The following CTIF variants were observed in gnomAD, a reference collection of about 807,000 sequenced individuals.
CTIF encodes cap binding complex dependent translation initiation factor.
In CTIF, 21 loss-of-function variants were observed where a neutral mutation model predicts 66.0. That is an observed-to-expected ratio of 0.32 (90% CI 0.23 to 0.46). CTIF has a LOEUF of 0.46. Ranked by LOEUF, CTIF falls within the 20% of genes least tolerant of loss-of-function variation. The probability of loss-of-function intolerance (pLI) is 1.00; values close to 1 mark genes in which losing one functional copy is unlikely to be tolerated. For synonymous variants in CTIF, 345 were observed against 326.4 expected (o/e 1.06, Z -0.62); for missense variants, 739 against 812.7 (o/e 0.91, Z 1.10).
rs374703379 is a variant in CTIF at position 48,612,418 on chromosome 18, G to A, written c.-28-7120G>A. Among the ~76,000 whole-genome samples the A allele has an allele frequency of 5.3e-5, 8 of 152,340 alleles. No homozygotes were observed. In the East Asian group the frequency reaches 7.7e-4, roughly 15 times the overall value. On this transcript the variant is annotated intron_variant, in intron 1 of 11. Transcript: ENST00000256413. ...ATTCTAGCCCCAATTGTGCATTCTGGGTGAAGGTGTTGCTCCCACTCTGTG... is the reference window on the plus strand; with the variant it reads ...ATTCTAGCCCCAATTGTGCATTCTGAGTGAAGGTGTTGCTCCCACTCTGTG...
rs2069458234 is a variant in CTIF at position 48,861,129 on chromosome 18, A to C, written c.*1570A>C. On this transcript the variant is annotated 3_prime_UTR_variant, in exon 12 of 12. Transcript: ENST00000256413. ...CGGGGAAGGTTCTCGTGATTGATTG[A>C]TTCTGAGTCTGAGAGTGGCGAGTGG... 1 of 152,330 alleles carries C rather than the reference A, an allele frequency of 6.6e-6. No homozygotes were observed. The highest frequency in any genetic ancestry group is 1.5e-5 in the Non-Finnish European group (1 of 68,184). The allele number at this position is 152,330 out of a possible 1,614,324, so 9.4% of individuals were successfully genotyped here.
rs764635190 is a variant in CTIF at position 48,664,461 on chromosome 18, A to T, written c.341A>T (p.Asp114Val). ...TCGCCCTCTAGTGGTGCCACCTGGG[A>T]CCTGCAGCCGGAAAAGCTGGACTTC... is the stretch of plus-strand genomic sequence containing the variant. Reference protein sequence around the residue: ...TFDSFSGATWDLQPEKLDFTQ... With the variant: ...TFDSFSGATWVLQPEKLDFTQ... Residue 114 changes from aspartate to valine, a missense_variant, in exon 5 of 12, where the codon GAC becomes GTC. By Grantham distance (152) the Asp-to-Val change is radical. This residue lies in a region of CTIF where 529 missense variants were observed against 520.3 expected (regional missense o/e 1.02). Coordinates refer to ENST00000256413, the MANE Select transcript of CTIF (RefSeq NM_014772.3). 1.2e-6 allele frequency: 2 copies of T among 1,613,516 alleles called. No homozygotes were observed. Among genetic ancestry groups the T allele is most frequent in the Non-Finnish European group, 1.7e-6 (2 of 1,179,884 alleles).
rs184619274 is a variant in CTIF at position 48,711,608 on chromosome 18, C to A, written c.508-11C>A. 6.2e-7 allele frequency: 1 copy of A among 1,613,088 alleles called. No individual in the cohort carries two copies. On this transcript the variant is annotated splice_polypyrimidine_tract_variant and intron_variant, in intron 6 of 11. Transcript: ENST00000256413. Reference sequence around the variant, plus strand: ...TTACTAATGATCCCCCTTCCTCCCCCCATGACACAGGGCTACCACCCGATG... The same window carrying A: ...TTACTAATGATCCCCCTTCCTCCCCACATGACACAGGGCTACCACCCGATG...
intron 6 of CTIF, among the ~76,000 whole-genome samples, chr18:48,686,460 C>T (rs2091841314): frequency 6.6e-6 from 1 of 152,054 alleles, no homozygotes; most frequent in South Asian, 2.1e-4. Context: ...TCTAAGGAGC[C>T]CTGGTACCTT....
intron 6 of CTIF, among the ~76,000 whole-genome samples, chr18:48,707,093 G>T (rs2092166531): frequency 6.6e-6 from 1 of 152,228 alleles, no homozygotes; most frequent in African/African-American, 2.4e-5. Context: ...CCAAGGGCTG[G>T]TTCTCTCATG....
chr18:48,587,034 G>GT (rs1160478357), intron 1 of CTIF, among the ~76,000 whole-genome samples: 1 of 150,482 alleles, frequency 6.6e-6, no homozygotes, highest in Admixed American at 6.6e-5. Flanking sequence ...ACAACCCACT[G>GT]TGGCCACTCT....
intron 6 of CTIF, among the ~76,000 whole-genome samples, chr18:48,678,103 G>A (rs2091666524): frequency 6.6e-6 from 1 of 152,112 alleles, no homozygotes; most frequent in Non-Finnish European, 1.5e-5. Flanking sequence ...AAGAGGTGCT[G>A]GAAAAACATT....
At chr18:48,702,772 G>A (rs1014870696) in intron 6 of CTIF, among the ~76,000 whole-genome samples, 1 of 152,128 alleles carries the variant, frequency 6.6e-6, no homozygotes, top group Non-Finnish European at 1.5e-5. Flanking sequence ...TTTCCTTTCT[G>A]AATCAGGTCA....
intron 2 of CTIF, among the ~76,000 whole-genome samples, chr18:48,628,475 T>C (rs1412922746): frequency 6.6e-6 from 1 of 152,144 alleles, no homozygotes; most frequent in African/African-American, 2.4e-5. Flanking sequence ...ATTATTACCA[T>C]CTTACAAGGG....
intron 1 of CTIF, among the ~76,000 whole-genome samples, chr18:48,545,362 C>A (rs78255379): frequency 2.6e-5 from 4 of 152,126 alleles, no homozygotes; most frequent in African/African-American, 9.7e-5. Flanking sequence ...GGGAGCCAGG[C>A]GGCCATGGGA....
intron 1 of CTIF, among the ~76,000 whole-genome samples, chr18:48,542,120 G>C (rs1465321980): frequency 6.6e-6 from 1 of 152,194 alleles, no homozygotes; most frequent in Non-Finnish European, 1.5e-5. Context: ...AAACACTCTT[G>C]ATTTGTTAAC....
At position 48,857,669 on chromosome 18, in the gene CTIF, A is replaced by G. The variant is rs2069361539; in HGVS notation, c.1581+28A>G. 4 of 1,590,222 alleles carry G rather than the reference A, an allele frequency of 2.5e-6. 1 individual carries two copies. The South Asian group carries it at 4.6e-5, about 18-fold the overall frequency. The stretch of plus-strand genomic sequence containing the variant: ...AAGCTTTGGGGCTTCGACATCCCCA[A>G]CCTCAAAGCCGGTGCATCTCTCATG... On this transcript the variant is annotated intron_variant, in intron 11 of 11. Coordinates refer to ENST00000256413, the MANE Select transcript of CTIF (RefSeq NM_014772.3).
chr18:48,592,085 A>G (rs900892961), intron 1 of CTIF, among the ~76,000 whole-genome samples: 2 of 152,130 alleles, frequency 1.3e-5, no homozygotes, highest in African/African-American at 2.4e-5. Context: ...ACACCCCGGT[A>G]TTATCTGTGG....
chr18:48,708,977 C>CGATGAT (rs113622427), intron 6 of CTIF, among the ~76,000 whole-genome samples: 16 of 152,052 alleles, frequency 1.1e-4, no homozygotes, highest in African/African-American at 3.9e-4. Flanking sequence ...GGAAAGATAA[C>CGATGAT]GATGATGATG....
intron 7 of CTIF, among the ~76,000 whole-genome samples, chr18:48,756,808 G>A (rs1908409058): frequency 2.0e-5 from 3 of 152,162 alleles, no homozygotes; most frequent in African/African-American, 7.2e-5. Context: ...AAAAGTTTGG[G>A]GTTTGTTCCT....
chr18:48,723,392 G>A (rs1478411674), intron 7 of CTIF, among the ~76,000 whole-genome samples: 1 of 152,174 alleles, frequency 6.6e-6, no homozygotes, highest in Non-Finnish European at 1.5e-5. Flanking sequence ...CCCTCAGACA[G>A]GGTCACCCAC....
chr18:48,730,167 G>A (rs2092425026), intron 7 of CTIF, among the ~76,000 whole-genome samples: 1 of 152,166 alleles, frequency 6.6e-6, no homozygotes, highest in Non-Finnish European at 1.5e-5. Flanking sequence ...GTGGTGAAGG[G>A]CCTCCACAGT....
At chr18:48,837,950 C>T (rs2068850938) in intron 10 of CTIF, among the ~76,000 whole-genome samples, 1 of 152,196 alleles carries the variant, frequency 6.6e-6, no homozygotes, top group Admixed American at 6.5e-5. Context: ...GTCTCTGGAA[C>T]TCTGATTTGG....
intron 6 of CTIF, among the ~76,000 whole-genome samples, chr18:48,695,400 G>A (rs528870615): frequency 3.9e-5 from 6 of 152,248 alleles, no homozygotes; most frequent in East Asian, 1.9e-4. Context: ...GGGAACCCAC[G>A]CACACACTTC....
Sources: allele counts gnomAD v4.1 joint callset (sites outside exome capture counted in the v4.1 genomes callset), GRCh38; gene constraint gnomAD v4.1.1; regional missense constraint gnomAD v4.1.1; transcripts MANE v1.5; gene names NCBI Gene and HGNC (gene_info 2026-07-23, HGNC 2026-07-21).